The following CC2D2B variants were observed in gnomAD, a reference collection of about 807,000 sequenced individuals.
The protein encoded by CC2D2B is coiled-coil and C2 domain containing 2B.
In CC2D2B, 128 loss-of-function variants were observed where a neutral mutation model predicts 161.2. That is an observed-to-expected ratio of 0.79 (90% CI 0.69 to 0.92). The LOEUF (loss-of-function observed/expected upper bound fraction) is 0.92, where lower values mean the gene tolerates loss of function less well. Ranked by LOEUF, CC2D2B falls within the 40% of genes least tolerant of loss-of-function variation. The pLI, the probability that CC2D2B is intolerant of heterozygous loss-of-function variation, is 0.00. For synonymous variants in CC2D2B, 391 were observed against 449.8 expected, an observed-to-expected ratio of 0.87 and a Z score of 1.65; for missense variants, 1,173 against 1,375.1, an observed-to-expected ratio of 0.85 and a Z score of 2.32.
At chr10:96,009,529 T>C (rs1271471227) in intron 25 of CC2D2B, among the ~76,000 whole-genome samples, 1 of 152,228 alleles carries the variant, frequency 6.6e-6, no homozygotes, top group Non-Finnish European at 1.5e-5. Flanking sequence ...AAGAGCAGGA[T>C]ACTATAATAT....
At chr10:96,023,679 A>G (rs1363061900) in intron 32 of CC2D2B, among the ~76,000 whole-genome samples, 3 of 152,102 alleles carry the variant, frequency 2.0e-5, no homozygotes, top group Non-Finnish European at 4.4e-5. Flanking sequence ...TCCCTTCCTC[A>G]GTATCTTCCA....
intron 22 of CC2D2B, among the ~76,000 whole-genome samples, chr10:95,994,465 T>A (rs939595633): frequency 6.6e-6 from 1 of 152,206 alleles, no homozygotes; most frequent in Admixed American, 6.5e-5. Flanking sequence ...TGAAGCACAG[T>A]GCCACAGGGA....
intron 6 of CC2D2B, among the ~76,000 whole-genome samples, chr10:95,933,330 C>T (rs1003631121): frequency 3.9e-5 from 6 of 151,938 alleles, no homozygotes; most frequent in African/African-American, 1.5e-4. Flanking sequence ...TTAGAACATG[C>T]TCTTTTAGCT....
rs1232350290 is a variant in CC2D2B at position 95,922,100 on chromosome 10, T to C, written c.97+24T>C. The stretch of plus-strand genomic sequence containing the variant: ...AGGTTCTCAATAAGTATACCATAAC[T>C]CTGATACTCTTCATTTTTATTTTTA... On this transcript the variant is annotated intron_variant, in intron 3 of 34. Transcript: ENST00000646931. 2.5e-6 allele frequency: 3 copies of C among 1,205,134 alleles called. No individual in the cohort carries two copies. The African/African-American group carries it at 4.6e-5, about 18-fold the overall frequency. 74.7% of individuals were successfully genotyped at this position (1,205,134 alleles called of 1,614,324 possible).
intron 34 of CC2D2B, among the ~76,000 whole-genome samples, chr10:96,029,296 A>ATATATGTATATC (rs2079960424): frequency 8.6e-6 from 1 of 116,882 alleles, no homozygotes; most frequent in African/African-American, 2.9e-5. Context: ...GTATATATAT[A>ATATATGTATATC]TATATATATG....
chr10:95,970,189 A>G (rs1276213552), intron 15 of CC2D2B, among the ~76,000 whole-genome samples: 1 of 151,886 alleles, frequency 6.6e-6, no homozygotes, highest in Non-Finnish European at 1.5e-5. Context: ...GCCCACCACC[A>G]TGCCCCGCTA....
At chr10:95,908,183 AG>A (rs1411022369) in intron 1 of CC2D2B, 126 bp downstream of exon 1, 4 of 152,292 alleles carry the variant, frequency 2.6e-5, no homozygotes, top group Admixed American at 1.3e-4. Context: ...GGGGCCGCGC[AG>A]GCCGCTGGGA....
chr10:96,008,082 C>A (rs894266083), intron 25 of CC2D2B, among the ~76,000 whole-genome samples: 1 of 151,962 alleles, frequency 6.6e-6, no homozygotes, highest in African/African-American at 2.4e-5. Context: ...TATCTACCTC[C>A]TGCCCACAAC....
At chr10:95,980,474 C>CTATTAATTATTAA (rs2077474403) in intron 17 of CC2D2B, among the ~76,000 whole-genome samples, 2 of 152,022 alleles carry the variant, frequency 1.3e-5, no homozygotes, top group Non-Finnish European at 1.5e-5. Context: ...CTAATCTATT[C>CTATTAATTATTAA]GTTAAGATTT....
intron 14 of CC2D2B, among the ~76,000 whole-genome samples, chr10:95,967,918 T>C (rs2076997104): frequency 6.6e-6 from 1 of 152,136 alleles, no homozygotes; most frequent in African/African-American, 2.4e-5. Flanking sequence ...AACTTAGGGT[T>C]TATCTTCCAC....
At chr10:95,971,066 A>G (rs557998066) in intron 15 of CC2D2B, among the ~76,000 whole-genome samples, 2 of 152,300 alleles carry the variant, frequency 1.3e-5, no homozygotes, top group South Asian at 4.1e-4. Context: ...ACAACACAGT[A>G]TAAGTCAAAA....
intron 9 of CC2D2B, among the ~76,000 whole-genome samples, chr10:95,944,869 T>C (rs971568151): frequency 2.0e-5 from 3 of 152,232 alleles, no homozygotes; most frequent in Non-Finnish European, 2.9e-5. Flanking sequence ...TTTAAAATTC[T>C]TTCTTGCAGC....
Position 96,003,021 on chromosome 10 carries a change from A to AATAT in CC2D2B, c.2850-1111_2850-1108dup, listed in dbSNP as rs57187442. ...TAGACCCTGTCTCAAAAAATAAATA[A>AATAT]ATATATATATATATATATATATAGA... On this transcript the variant is annotated intron_variant, in intron 24 of 34. Transcript: ENST00000646931. 9.3e-3 allele frequency among the ~76,000 whole-genome samples: 1,310 copies of AATAT among 140,676 alleles called. 10 individuals carry two copies. Among genetic ancestry groups the AATAT allele is most frequent in the Middle Eastern group, 0.022 (6 of 270 alleles). The allele number at this position is 140,676 out of a possible 152,430, so 92.3% of individuals were successfully genotyped here.
intron 30 of CC2D2B, among the ~76,000 whole-genome samples, chr10:96,018,556 T>C (rs1219100367): frequency 6.6e-6 from 1 of 152,160 alleles, no homozygotes; most frequent in Non-Finnish European, 1.5e-5. Context: ...ACTGCAGTAC[T>C]ATCTGTTGGG....
At chr10:95,951,993 T>A (rs2076417267) in intron 10 of CC2D2B, among the ~76,000 whole-genome samples, 1 of 152,234 alleles carries the variant, frequency 6.6e-6, no homozygotes, top group Non-Finnish European at 1.5e-5. Flanking sequence ...CATAATCTTC[T>A]CTTCTGAGGT....
intron 24 of CC2D2B, among the ~76,000 whole-genome samples, chr10:95,997,988 TTG>T (rs1413885969): frequency 6.6e-6 from 1 of 152,204 alleles, no homozygotes; most frequent in Non-Finnish European, 1.5e-5. Context: ...TCATAATATT[TTG>T]TGTTTTAAAA....
At chr10:95,947,278 A>T (rs1402030754) in intron 9 of CC2D2B, among the ~76,000 whole-genome samples, 1 of 150,290 alleles carries the variant, frequency 6.7e-6, no homozygotes, top group Non-Finnish European at 1.5e-5. Context: ...ACTCCCGGCT[A>T]ATTTTTGTAT....
rs1053235645 is a variant in CC2D2B at position 96,033,021 on chromosome 10, T to C, written c.*1013T>C. Among the ~76,000 whole-genome samples, 5 of 152,200 alleles carry C rather than the reference T, an allele frequency of 3.3e-5. No individual in the cohort carries two copies. Among genetic ancestry groups the C allele is most frequent in the African/African-American group, 1.2e-4 (5 of 41,450 alleles). ...TCCTTCATTAAAAGAAATGTGTTTA[T>C]ATAATTTACTTACATATGACAAAAT... On this transcript the variant is annotated 3_prime_UTR_variant, in exon 35 of 35. Coordinates refer to ENST00000646931, the MANE Select transcript of CC2D2B (RefSeq NM_001349008.3).
intron 12 of CC2D2B, among the ~76,000 whole-genome samples, chr10:95,962,780 T>TA (rs1407652597): frequency 2.0e-5 from 3 of 151,616 alleles, no homozygotes; most frequent in Non-Finnish European, 4.4e-5. Flanking sequence ...TTTTTTTTTT[T>TA]TTAACAAAAG....
Sources: gnomAD v4.1 joint callset for allele counts (sites outside exome capture counted in the v4.1 genomes callset) on GRCh38, gnomAD v4.1.1 for gene constraint, MANE v1.5 for transcripts, NCBI Gene and HGNC (gene_info 2026-07-23, HGNC 2026-07-21) for gene names.